GMDS: variants seen among roughly 807,000 people sequenced by gnomAD.
GMDS encodes GDP-mannose 4,6 dehydratase.
In GMDS, 20 loss-of-function variants were observed where a neutral mutation model predicts 49.9. The observed-to-expected ratio is 0.40, with a 90% CI of 0.28 to 0.58. GMDS has a LOEUF of 0.58. Ranked by LOEUF, GMDS falls within the 20% of genes least tolerant of loss-of-function variation. GMDS has a pLI of 0.42. For synonymous variants in GMDS, 177 were observed against 178.6 expected, an observed-to-expected ratio of 0.99 and a Z score of 0.07; for missense variants, 362 against 481.4, an observed-to-expected ratio of 0.75 and a Z score of 2.32.
At chr6:1,644,785 A>G (rs577782774) in intron 9 of GMDS, among the ~76,000 whole-genome samples, 310 of 152,318 alleles carry the variant, frequency 2.0e-3, no homozygotes, top group Middle Eastern at 0.017. Context: ...CCTTGCACCC[A>G]CTGCAAGCTC....
chr6:1,799,805 T>A (rs780640275), intron 7 of GMDS, among the ~76,000 whole-genome samples: 1 of 152,186 alleles, frequency 6.6e-6, no homozygotes, highest in Non-Finnish European at 1.5e-5. Context: ...ACTGCGTACT[T>A]TGTTCCTAGA....
intron 4 of GMDS, among the ~76,000 whole-genome samples, chr6:1,990,120 C>A (rs1027607484): frequency 1.3e-5 from 2 of 152,088 alleles, no homozygotes; most frequent in East Asian, 1.9e-4. Flanking sequence ...TACAGTGAAA[C>A]CCCGTCTCTA....
intron 7 of GMDS, among the ~76,000 whole-genome samples, chr6:1,829,883 G>T (rs1324683997): frequency 6.6e-6 from 1 of 152,138 alleles, no homozygotes; most frequent in Non-Finnish European, 1.5e-5. Flanking sequence ...CACCCTCTGT[G>T]TGCTATGTTC....
intron 4 of GMDS, among the ~76,000 whole-genome samples, chr6:2,045,533 T>C (rs547909723): frequency 6.6e-6 from 1 of 152,148 alleles, no homozygotes; most frequent in Non-Finnish European, 1.5e-5. Flanking sequence ...TTTCAGTTTA[T>C]TTTTTTAATA....
chr6:2,152,701 T>C (rs1343229548), intron 1 of GMDS, among the ~76,000 whole-genome samples: 1 of 152,096 alleles, frequency 6.6e-6, no homozygotes, highest in African/African-American at 2.4e-5. Context: ...TAAGTTTAAT[T>C]AAACAACAAG....
chr6:1,624,745 G>GGCCGGGCGCGGTGGCTC, intron 9 of GMDS: 1 of 549,832 alleles, frequency 1.8e-6, no homozygotes, highest in African/African-American at 1.9e-5. Flanking sequence ...GTGCTGTGCG[G>GGCCGGGCGCGGTGGCTC]ACCCGTGAGG....
intron 7 of GMDS, among the ~76,000 whole-genome samples, chr6:1,773,935 A>C (rs1167286418): frequency 6.6e-6 from 1 of 152,246 alleles, no homozygotes; most frequent in Non-Finnish European, 1.5e-5. Context: ...TATACACTGT[A>C]CATTTTTGAA....
intron 2 of GMDS, among the ~76,000 whole-genome samples, chr6:2,122,831 GT>G (rs1234026360): frequency 1.3e-5 from 2 of 152,142 alleles, no homozygotes; most frequent in African/African-American, 4.8e-5. Context: ...TGTCAACCAT[GT>G]TTCCTTCTAT....
At chr6:1,888,115 T>A (rs1267547841) in intron 7 of GMDS, among the ~76,000 whole-genome samples, 1 of 132,134 alleles carries the variant, frequency 7.6e-6, no homozygotes, top group Non-Finnish European at 1.7e-5. Context: ...TTCCTGGCTA[T>A]TTTTTTATTA....
rs143001732 is a variant in GMDS at position 1,636,031 on chromosome 6, C to T, written c.988-11491G>A. Among the ~76,000 whole-genome samples the T allele has an allele frequency of 9.2e-5, 14 of 152,100 alleles. No individual in the cohort carries two copies. The East Asian group carries it at 1.2e-3, about 13-fold the overall frequency. On this transcript the variant is annotated intron_variant, in intron 9 of 10. Transcript: ENST00000380815. The stretch of plus-strand genomic sequence containing the variant: ...CCTCATCACAAAGAGGACTAGGAGA[C>T]GACAGAAAAGAGACATTCCCAGAAT...
intron 4 of GMDS, among the ~76,000 whole-genome samples, chr6:2,071,685 A>T (rs544799076): frequency 3.3e-4 from 33 of 100,372 alleles, no homozygotes; most frequent in East Asian, 2.9e-3. Flanking sequence ...CTTCACATTT[A>T]AAAAAAAAAA....
chr6:2,041,934 C>G (rs1165617887), intron 4 of GMDS, among the ~76,000 whole-genome samples: 1 of 152,084 alleles, frequency 6.6e-6, no homozygotes, highest in Non-Finnish European at 1.5e-5. Flanking sequence ...CAAATGTGAC[C>G]ATTTCCCACA....
chr6:2,044,380 C>G (rs572205573), intron 4 of GMDS, among the ~76,000 whole-genome samples: 1 of 151,704 alleles, frequency 6.6e-6, no homozygotes, highest in Non-Finnish European at 1.5e-5. Context: ...ACTATGCAGC[C>G]GTAAAAAAGA....
At chr6:1,930,347 C>A in intron 6 of GMDS, 117 bp from the exon 7 acceptor site, 1 of 696,924 alleles carries the variant, frequency 1.4e-6, no homozygotes, top group Non-Finnish European at 2.4e-6. Flanking sequence ...CTCCCAGCCA[C>A]CCTGTTAAAA....
At chr6:1,757,231 G>A (rs1767982889) in intron 7 of GMDS, among the ~76,000 whole-genome samples, 1 of 152,176 alleles carries the variant, frequency 6.6e-6, no homozygotes. Context: ...ATACACCTGG[G>A]ATATGGGAGC....
chr6:2,105,181 C>CAAAAAAAAAAAAA (rs530164439), intron 4 of GMDS, among the ~76,000 whole-genome samples: 1 of 64,422 alleles, frequency 1.6e-5, no homozygotes, highest in African/African-American at 5.4e-5. Flanking sequence ...GACTCCGTCT[C>CAAAAAAAAAAAAA]AAAAAAAAAA....
intron 4 of GMDS, among the ~76,000 whole-genome samples, chr6:2,032,741 T>C (rs1445811032): frequency 1.3e-5 from 2 of 152,160 alleles, no homozygotes; most frequent in African/African-American, 4.8e-5. Context: ...AGCAGTAGTA[T>C]CTCCATTCAT....
chr6:1,686,775 T>G (rs953902640), intron 9 of GMDS, among the ~76,000 whole-genome samples: 1 of 152,180 alleles, frequency 6.6e-6, no homozygotes, highest in Non-Finnish European at 1.5e-5. Context: ...CTGCCCAGGT[T>G]GCAGGGCTGG....
chr6:1,679,924 C>T (rs1157212116), intron 9 of GMDS: 1 of 152,000 alleles, frequency 6.6e-6, no homozygotes, highest in African/African-American at 2.4e-5. Context: ...ATTAATTGGT[C>T]TCCTGGAGAC....
Sources: gnomAD v4.1 joint callset for allele counts (sites outside exome capture counted in the v4.1 genomes callset) on GRCh38, gnomAD v4.1.1 for gene constraint, MANE v1.5 for transcripts, NCBI Gene and HGNC (gene_info 2026-07-23, HGNC 2026-07-21) for gene names.